Variants in RGS22 observed in about 807,000 individuals in gnomAD.
RGS22 encodes the protein regulator of G protein signaling 22.
Under a neutral mutation model 172.9 loss-of-function variants are expected in RGS22, and 148 were observed. The ratio of observed to expected loss-of-function variants is 0.86; its 90% CI spans 0.75 to 0.98. RGS22 has a LOEUF of 0.98. Ranked by LOEUF, RGS22 falls within the 50% of genes least tolerant of loss-of-function variation. The pLI is 0.00. For missense variants in RGS22, 1,347 were observed against 1,440.8 expected, an observed-to-expected ratio of 0.93 and a Z score of 1.05; for synonymous variants, 458 against 480.2, an observed-to-expected ratio of 0.95 and a Z score of 0.60.
At chr8:100,047,420 AG>A in intron 11 of RGS22, 42 bp downstream of exon 11, 1 of 1,523,644 alleles carries the variant, frequency 6.6e-7, no homozygotes, top group Non-Finnish European at 8.8e-7. Context: ...TAAAACGCTT[AG>A]TATTGCAGAA....
intron 14 of RGS22, among the ~76,000 whole-genome samples, chr8:100,022,278 G>C (rs2131465444): frequency 6.6e-6 from 1 of 152,248 alleles, no homozygotes; most frequent in East Asian, 1.9e-4. Flanking sequence ...TAGAATTTTT[G>C]CCAATTGCTC....
At chr8:99,992,010 C>T (rs1367527892) in intron 20 of RGS22, among the ~76,000 whole-genome samples, 1 of 152,162 alleles carries the variant, frequency 6.6e-6, no homozygotes, top group African/African-American at 2.4e-5. Context: ...CATATCCAGC[C>T]AAACTAAGCT....
At chr8:100,061,967 A>G (rs1810171889) in intron 9 of RGS22, among the ~76,000 whole-genome samples, 2 of 152,234 alleles carry the variant, frequency 1.3e-5, no homozygotes, top group African/African-American at 4.8e-5. Flanking sequence ...CTATGCAGCC[A>G]TAAAAAAGAA....
chr8:100,067,940 T>G (rs569105253), intron 6 of RGS22, among the ~76,000 whole-genome samples: 2 of 152,188 alleles, frequency 1.3e-5, no homozygotes, highest in East Asian at 3.9e-4. Flanking sequence ...TTAAGAGATG[T>G]GCCAATTGTT....
chr8:100,023,770 T>G (rs1391423816), intron 14 of RGS22, among the ~76,000 whole-genome samples: 1 of 152,148 alleles, frequency 6.6e-6, no homozygotes, highest in Non-Finnish European at 1.5e-5. Flanking sequence ...GGCATCTTCA[T>G]TACAAATCTT....
At chr8:100,042,980 C>T (rs1351085581) in intron 11 of RGS22, among the ~76,000 whole-genome samples, 2 of 152,156 alleles carry the variant, frequency 1.3e-5, no homozygotes, top group Non-Finnish European at 2.9e-5. Context: ...CTTCCTCCTC[C>T]ATTCTGACTT....
chr8:100,029,751 A>G (rs1230492308), intron 14 of RGS22, among the ~76,000 whole-genome samples: 1 of 151,534 alleles, frequency 6.6e-6, no homozygotes, highest in Admixed American at 6.6e-5. Flanking sequence ...GCATGTGTAT[A>G]CCTATGTAAA....
intron 23 of RGS22, among the ~76,000 whole-genome samples, chr8:99,971,143 T>C (rs1811295268): frequency 6.6e-6 from 1 of 152,156 alleles, no homozygotes; most frequent in Non-Finnish European, 1.5e-5. Context: ...ATTATCTCAA[T>C]AGATGCAGAA....
intron 23 of RGS22, among the ~76,000 whole-genome samples, chr8:99,970,688 G>A (rs902675484): frequency 2.6e-5 from 4 of 152,000 alleles, no homozygotes; most frequent in Admixed American, 6.6e-5. Context: ...GGAAGAAGTC[G>A]AATCCCTGAA....
chr8:100,090,471 T>C (rs1221028137), intron 3 of RGS22, among the ~76,000 whole-genome samples: 1 of 152,134 alleles, frequency 6.6e-6, no homozygotes, highest in Non-Finnish European at 1.5e-5. Flanking sequence ...CAAAGGGTCT[T>C]GAATTGTATA....
At chr8:100,103,481 GAA>G (rs1223424093) in intron 2 of RGS22, among the ~76,000 whole-genome samples, 1 of 152,218 alleles carries the variant, frequency 6.6e-6, no homozygotes, top group East Asian at 1.9e-4. Context: ...AGAAGTGGAG[GAA>G]AGACAGCATA....
intron 4 of RGS22, among the ~76,000 whole-genome samples, chr8:100,074,844 T>G (rs1811231222): frequency 6.6e-6 from 1 of 152,098 alleles, no homozygotes; most frequent in Admixed American, 6.5e-5. Context: ...CTCGGCTCAC[T>G]GCAAGTTCTG....
chr8:100,031,138 T>C (rs1372679443), intron 14 of RGS22, among the ~76,000 whole-genome samples: 1 of 152,156 alleles, frequency 6.6e-6, no homozygotes, highest in Non-Finnish European at 1.5e-5. Context: ...GAAAACAAAA[T>C]GTAAAACATT....
At chr8:100,007,541 T>C (rs952710858) in intron 15 of RGS22, among the ~76,000 whole-genome samples, 2 of 152,092 alleles carry the variant, frequency 1.3e-5, no homozygotes, top group African/African-American at 4.8e-5. Flanking sequence ...CTTTCCACAA[T>C]ACATATGAAA....
intron 2 of RGS22, among the ~76,000 whole-genome samples, chr8:100,098,496 T>C (rs866906209): frequency 1.2e-4 from 18 of 152,280 alleles, no homozygotes; most frequent in Non-Finnish European, 2.1e-4. Context: ...AGCCCGCATA[T>C]CAGATCCCCA....
intron 14 of RGS22, among the ~76,000 whole-genome samples, chr8:100,026,722 A>G (rs1242843100): frequency 6.6e-6 from 1 of 152,236 alleles, no homozygotes; most frequent in Non-Finnish European, 1.5e-5. Context: ...TGTAAAATTG[A>G]TTCTGAAGTT....
intron 14 of RGS22, 41 bp downstream of exon 14, chr8:100,038,890 A>G: frequency 1.5e-6 from 2 of 1,306,404 alleles, no homozygotes; most frequent in South Asian, 1.3e-5. Flanking sequence ...TTCTCTGTGT[A>G]CTTAGTGCTT....
chr8:100,039,616 T>C (rs1819892575), intron 13 of RGS22, among the ~76,000 whole-genome samples: 1 of 152,080 alleles, frequency 6.6e-6, no homozygotes, highest in Admixed American at 6.6e-5. Flanking sequence ...CCTCAAATGA[T>C]CCACCCACCT....
chr8:100,041,071 A>T (rs563108734), intron 12 of RGS22, among the ~76,000 whole-genome samples: 2 of 152,350 alleles, frequency 1.3e-5, no homozygotes, highest in East Asian at 3.9e-4. Context: ...AGACTGTATT[A>T]GGACTGCCAA....
Sources: allele counts gnomAD v4.1 joint callset (sites outside exome capture counted in the v4.1 genomes callset), GRCh38; gene constraint gnomAD v4.1.1; transcripts MANE v1.5; gene names NCBI Gene and HGNC (gene_info 2026-07-23, HGNC 2026-07-21).